PATJ: variants seen among roughly 807,000 people sequenced by gnomAD.
PATJ encodes the protein PATJ crumbs cell polarity complex component.
A neutral mutation model predicts 224.9 loss-of-function variants in PATJ; 190 were observed. The observed-to-expected ratio is 0.84, with a 90% CI of 0.75 to 0.95. PATJ has a LOEUF of 0.95. PATJ is among the 40% of genes least tolerant of loss of function. PATJ has a pLI of 0.00. For missense variants in PATJ, 2,121 were observed against 2,270.3 expected (o/e 0.93, Z 1.34); for synonymous variants, 769 against 820.3 (o/e 0.94, Z 1.07).
intron 27 of PATJ, among the ~76,000 whole-genome samples, chr1:61,980,575 A>G (rs1349568952): frequency 1.3e-5 from 2 of 151,900 alleles, no homozygotes; most frequent in Non-Finnish European, 2.9e-5. Context: ...GTAAAAGAAT[A>G]CTCTTTACTC....
chr1:61,777,724 T>TTTTTTTTTTTTTTTTC (rs765662896), intron 7 of PATJ, among the ~76,000 whole-genome samples: 245 of 105,982 alleles, frequency 2.3e-3, no homozygotes, highest in Non-Finnish European at 3.2e-3. Context: ...TTTTTTTTTT[T>TTTTTTTTTTTTTTTTC]TTTAGCATAG....
At chr1:61,856,915 A>T (rs1029739799) in intron 18 of PATJ, among the ~76,000 whole-genome samples, 1 of 152,190 alleles carries the variant, frequency 6.6e-6, no homozygotes, top group African/African-American at 2.4e-5. Context: ...AATTAAAATA[A>T]GTATCCATTT....
At chr1:61,915,095 G>A (rs1216214917) in intron 26 of PATJ, among the ~76,000 whole-genome samples, 1 of 152,184 alleles carries the variant, frequency 6.6e-6, no homozygotes, top group Non-Finnish European at 1.5e-5. Flanking sequence ...CTGTCAATCA[G>A]AATTAATCCT....
Position 61,827,570 on chromosome 1 carries a change from T to G in PATJ, c.1967T>G (p.Leu656Arg). ...VDEPRRTETS[L>R]PETEVDHNMD... is the part of the protein sequence containing the mutation. ...GAACCAAGGCGCACTGAAACCTCTC[T>G]TCCTGAGACAGAGGTACTAAATGAA... The change falls in exon 16 of 44, where the codon CTT becomes CGT. Residue 656 changes from leucine to arginine, a missense_variant. Coordinates refer to ENST00000642238, the MANE Select transcript of PATJ (RefSeq NM_001350145.3). 1 of 1,613,850 alleles carries G rather than the reference T, an allele frequency of 6.2e-7. No homozygotes were observed. The highest frequency in any genetic ancestry group is 1.1e-5 in the South Asian group (1 of 91,024).
intron 22 of PATJ, among the ~76,000 whole-genome samples, chr1:61,887,913 T>G (rs1244110290): frequency 6.6e-6 from 1 of 152,194 alleles, no homozygotes; most frequent in African/African-American, 2.4e-5. Context: ...AAGTGTGATT[T>G]TTGTGTTGAC....
intron 31 of PATJ, among the ~76,000 whole-genome samples, chr1:62,055,299 AAATAATTACTTT>A (rs1296690853): frequency 6.6e-6 from 1 of 152,150 alleles, no homozygotes. Context: ...AAGATCCCTA[AAATAATTACTTT>A]AATCTTTTGG....
intron 1 of PATJ, among the ~76,000 whole-genome samples, chr1:61,759,819 A>G (rs990829391): frequency 2.8e-4 from 42 of 152,298 alleles, no homozygotes; most frequent in African/African-American, 9.9e-4. Flanking sequence ...TCAGAGTGAC[A>G]CTCAGAAGTA....
intron 24 of PATJ, 140 bp from the exon 25 acceptor site, chr1:61,908,232 G>A: frequency 3.4e-6 from 2 of 590,144 alleles, no homozygotes; most frequent in Middle Eastern, 3.1e-4. Flanking sequence ...CTTTTTATGG[G>A]CCAATCTTAT....
chr1:61,760,903 C>T (rs532148776), intron 1 of PATJ, among the ~76,000 whole-genome samples: 4 of 152,110 alleles, frequency 2.6e-5, no homozygotes, highest in East Asian at 3.9e-4. Context: ...TGAGCCGTGG[C>T]GCCCAGCCTG....
At chr1:62,158,747 G>A (rs185381055) in intron 43 of PATJ, among the ~76,000 whole-genome samples, 10 of 132,962 alleles carry the variant, frequency 7.5e-5, no homozygotes, top group Admixed American at 5.7e-4. Context: ...AAAAGAGTTC[G>A]AGACCAGCTT....
intron 9 of PATJ, among the ~76,000 whole-genome samples, chr1:61,792,511 T>C (rs915405099): frequency 1.3e-5 from 2 of 152,112 alleles, no homozygotes; most frequent in African/African-American, 4.8e-5. Flanking sequence ...TTTACTATTT[T>C]ACTTCTTTTG....
At chr1:61,760,619 C>CTTTTTTTTTTTTTT (rs200693394) in intron 1 of PATJ, among the ~76,000 whole-genome samples, 1 of 135,486 alleles carries the variant, frequency 7.4e-6, no homozygotes, top group Non-Finnish European at 1.6e-5. Context: ...TTTTCTTTTT[C>CTTTTTTTTTTTTTT]TTTTTTTTTT....
intron 7 of PATJ, among the ~76,000 whole-genome samples, chr1:61,784,854 T>C (rs552139575): frequency 2.1e-4 from 32 of 152,194 alleles, no homozygotes; most frequent in Admixed American, 6.5e-4. Context: ...CAATTCTTCA[T>C]TCTTTTTTTC....
intron 28 of PATJ, among the ~76,000 whole-genome samples, chr1:62,003,037 G>A (rs1645882269): frequency 6.6e-6 from 1 of 152,166 alleles, no homozygotes; most frequent in Non-Finnish European, 1.5e-5. Flanking sequence ...TGCTTAGGTG[G>A]CTAATAATAC....
At chr1:61,802,133 G>T (rs1652662709) in intron 12 of PATJ, among the ~76,000 whole-genome samples, 1 of 151,992 alleles carries the variant, frequency 6.6e-6, no homozygotes, top group Non-Finnish European at 1.5e-5. Context: ...CATTCTTGAT[G>T]CCCAGGCTGG....
chr1:61,798,824 G>C (rs1651869680), intron 11 of PATJ, among the ~76,000 whole-genome samples: 1 of 152,054 alleles, frequency 6.6e-6, no homozygotes, highest in Non-Finnish European at 1.5e-5. Flanking sequence ...CTAGGAGTTT[G>C]AGGCTTCAGT....
chr1:62,109,179 C>T (rs929117220), intron 34 of PATJ, among the ~76,000 whole-genome samples: 2 of 149,348 alleles, frequency 1.3e-5, no homozygotes, highest in Admixed American at 6.7e-5. Context: ...AACTAAAGAG[C>T]TTTCTCGATG....
At chr1:61,746,985 C>G (rs1427511791) in intron 1 of PATJ, among the ~76,000 whole-genome samples, 1 of 152,176 alleles carries the variant, frequency 6.6e-6, no homozygotes, top group Non-Finnish European at 1.5e-5. Context: ...TACTTAACAG[C>G]ATTTAATAAT....
At chr1:61,882,477 GTT>G (rs1668238190) in intron 21 of PATJ, among the ~76,000 whole-genome samples, 1 of 152,176 alleles carries the variant, frequency 6.6e-6, no homozygotes, top group Non-Finnish European at 1.5e-5. Context: ...TCGCGATTTG[GTT>G]TATAGTCTTC....
Sources: gnomAD v4.1 joint callset for allele counts (sites outside exome capture counted in the v4.1 genomes callset) on GRCh38, gnomAD v4.1.1 for gene constraint, MANE v1.5 for transcripts, NCBI Gene and HGNC (gene_info 2026-07-23, HGNC 2026-07-21) for gene names.